Variants in COL22A1 observed in about 807,000 individuals in gnomAD.
COL22A1 encodes the protein collagen alpha-1(XXII) chain.
COL22A1 carries 221 observed loss-of-function variants against 248.9 expected under a neutral mutation model. The observed-to-expected ratio is 0.89, with a 90% CI of 0.80 to 0.99. COL22A1 has a LOEUF of 0.99. COL22A1 is among the 50% of genes least tolerant of loss of function. The probability of loss-of-function intolerance (pLI) is 0.00; values close to 1 mark genes in which losing one functional copy is unlikely to be tolerated. For synonymous variants in COL22A1, 891 were observed against 793.4 expected, an observed-to-expected ratio of 1.12 and a Z score of -2.07; for missense variants, 2,240 against 2,179.0, an observed-to-expected ratio of 1.03 and a Z score of -0.56.
chr8:138,755,892 C>A, intron 18 of COL22A1, 63 bp from the exon 19 acceptor site: 1 of 1,418,466 alleles, frequency 7.0e-7, no homozygotes, highest in Middle Eastern at 1.8e-4. Context: ...GCAGTCCCAT[C>A]CCTCTGAGGC....
Position 138,685,292 on chromosome 8 carries a change from G to A in COL22A1, c.2883C>T (p.Gly961=). Residue 961 remains glycine (G), a synonymous_variant, in exon 38 of 65, where the codon GGC becomes GGT. Transcript: ENST00000303045. ...CCCTGGGACCAACTGGCCCTGGGCT[G>A]CCTTCTTCCCCCGCTGCACCCTGGA... ...RGEKGAAGEE[G]SPGPVGPRGD... The A allele has an allele frequency of 6.2e-7, 1 of 1,613,812 alleles. No individual in the cohort carries two copies. The highest frequency in any genetic ancestry group is 1.1e-5 in the South Asian group (1 of 91,034).
At chr8:138,800,101 T>C in intron 11 of COL22A1, among the ~76,000 whole-genome samples, 1 of 152,230 alleles carries the variant, frequency 6.6e-6, no homozygotes, top group East Asian at 1.9e-4. Context: ...GCTCTGGAAC[T>C]GGGAGCTGGG....
At chr8:138,660,899 A>ACAAAC (rs1554736013) in intron 43 of COL22A1, among the ~76,000 whole-genome samples, 62 of 32,082 alleles carry the variant, frequency 1.9e-3, no homozygotes, top group Middle Eastern at 0.023. Context: ...CAGACACACA[A>ACAAAC]ACACACACAT....
chr8:138,700,245 G>A (rs1420451295), intron 31 of COL22A1, 101 bp from the exon 32 acceptor site: 3 of 1,032,126 alleles, frequency 2.9e-6, no homozygotes, highest in Non-Finnish European at 3.0e-6. Flanking sequence ...AAAGAATACA[G>A]CCCCAAAGCT....
intron 45 of COL22A1, 59 bp from the exon 46 acceptor site, chr8:138,649,837 A>T (rs1326768324): frequency 9.4e-7 from 1 of 1,058,960 alleles, no homozygotes; most frequent in Non-Finnish European, 1.4e-6. Flanking sequence ...ACAGTTTCAA[A>T]GCAAAGCAAA....
chr8:138,820,726 A>G (rs1342055361), intron 7 of COL22A1, among the ~76,000 whole-genome samples: 4 of 152,196 alleles, frequency 2.6e-5, no homozygotes, highest in South Asian at 2.1e-4. Context: ...ATTCATATAC[A>G]TATGTATCTA....
intron 3 of COL22A1, 102 bp downstream of exon 3, chr8:138,877,648 G>T: frequency 8.1e-7 from 1 of 1,240,826 alleles, no homozygotes; most frequent in Non-Finnish European, 1.1e-6. Context: ...CCGCCTTCCT[G>T]GAGCCGGCCG....
chr8:138,642,796 C>G (rs1202975739), intron 47 of COL22A1, among the ~76,000 whole-genome samples: 1 of 152,104 alleles, frequency 6.6e-6, no homozygotes, highest in Non-Finnish European at 1.5e-5. Context: ...TTTGGGAAGC[C>G]AAGGCAGGCA....
At chr8:138,744,431 T>A (rs1392330119) in intron 22 of COL22A1, among the ~76,000 whole-genome samples, 2 of 151,862 alleles carry the variant, frequency 1.3e-5, no homozygotes, top group Non-Finnish European at 2.9e-5. Context: ...GCAAGGACAG[T>A]TAACTTCCAT....
At chr8:138,887,470 G>C (rs569780226) in intron 1 of COL22A1, among the ~76,000 whole-genome samples, 1 of 152,018 alleles carries the variant, frequency 6.6e-6, no homozygotes, top group Non-Finnish European at 1.5e-5. Context: ...CACCCGCCTC[G>C]GCCTCCCAAA....
chr8:138,602,076 G>T (rs200312257), intron 60 of COL22A1, 39 bp downstream of exon 60: 2 of 1,611,942 alleles, frequency 1.2e-6, no homozygotes, highest in Non-Finnish European at 1.7e-6. Flanking sequence ...TGCAAAGGTC[G>T]CGTTCGGCGT....
chr8:138,820,533 A>C (rs766614819), intron 7 of COL22A1, among the ~76,000 whole-genome samples: 6 of 152,190 alleles, frequency 3.9e-5, no homozygotes, highest in Non-Finnish European at 7.3e-5. Flanking sequence ...AAAGAAGGAA[A>C]GAACATTGAT....
chr8:138,905,354 G>A (rs1034624850), intron 1 of COL22A1, among the ~76,000 whole-genome samples: 5 of 152,166 alleles, frequency 3.3e-5, no homozygotes, highest in African/African-American at 1.2e-4. Context: ...TTGCAAGACG[G>A]TAAGTGCATC....
chr8:138,822,813 T>C (rs544007897), intron 6 of COL22A1, among the ~76,000 whole-genome samples: 1 of 152,150 alleles, frequency 6.6e-6, no homozygotes. Flanking sequence ...TGTCCCTCCA[T>C]GTGCCCCAGT....
chr8:138,884,116 C>T, intron 1 of COL22A1, among the ~76,000 whole-genome samples: 1 of 152,220 alleles, frequency 6.6e-6, no homozygotes, highest in Non-Finnish European at 1.5e-5. Flanking sequence ...CCACACCCAC[C>T]CTGGGAGCCT....
chr8:138,682,256 G>T (rs376624376), intron 39 of COL22A1, among the ~76,000 whole-genome samples: 2 of 145,976 alleles, frequency 1.4e-5, no homozygotes, highest in African/African-American at 5.1e-5. Flanking sequence ...AATCTTTAAA[G>T]AACTCAGGTG....
intron 2 of COL22A1, among the ~76,000 whole-genome samples, chr8:138,879,765 G>A (rs1824043019): frequency 6.6e-6 from 1 of 150,790 alleles, no homozygotes. Context: ...TCTTCCAGAA[G>A]GTGGGGTTTG....
At chr8:138,907,189 T>G (rs1437565524) in intron 1 of COL22A1, among the ~76,000 whole-genome samples, 1 of 152,180 alleles carries the variant, frequency 6.6e-6, no homozygotes, top group Non-Finnish European at 1.5e-5. Flanking sequence ...GCTCTCCAGC[T>G]CATTCCCTAG....
At chr8:138,668,696 CAT>C (rs112092963) in intron 41 of COL22A1, among the ~76,000 whole-genome samples, 5 of 151,956 alleles carry the variant, frequency 3.3e-5, no homozygotes, top group African/African-American at 1.2e-4. Context: ...GAGTACCTCA[CAT>C]GTGTGCAGGC....
Sources: gnomAD v4.1 joint callset for allele counts (sites outside exome capture counted in the v4.1 genomes callset) on GRCh38, gnomAD v4.1.1 for gene constraint, MANE v1.5 for transcripts, NCBI Gene and HGNC (gene_info 2026-07-23, HGNC 2026-07-21) for gene names.